Variants in CD46 observed in about 807,000 individuals in gnomAD.
The protein encoded by CD46 is CD46 molecule.
Under a neutral mutation model 53.3 loss-of-function variants are expected in CD46, and 30 were observed. The ratio of observed to expected loss-of-function variants is 0.56; its 90% CI spans 0.42 to 0.76. The LOEUF (loss-of-function observed/expected upper bound fraction) is 0.76, where lower values mean the gene tolerates loss of function less well. Ranked by LOEUF, CD46 falls within the 30% of genes least tolerant of loss-of-function variation. The pLI, the probability that CD46 is intolerant of heterozygous loss-of-function variation, is 0.00. For synonymous variants in CD46, 142 were observed against 152.0 expected, an observed-to-expected ratio of 0.93 and a Z score of 0.48; for missense variants, 409 against 463.0, an observed-to-expected ratio of 0.88 and a Z score of 1.07.
chr1:207,778,647 G>A (rs1658380424), intron 8 of CD46, among the ~76,000 whole-genome samples: 1 of 152,122 alleles, frequency 6.6e-6, no homozygotes, highest in Non-Finnish European at 1.5e-5. Context: ...TGGTGTATAT[G>A]CCTGTTTTTG....
Position 207,774,326 on chromosome 1 carries a change from C to T in CD46, c.943+3964C>T, listed in dbSNP as rs149111551. On this transcript the variant is annotated intron_variant, in intron 8 of 12. Transcript: ENST00000367042. ...AATATAGCACACCGATGGGTCTTGA[C>T]TCTTTATCCAATTTGCCAGTCTGTG... 1.5e-3 allele frequency among the ~76,000 whole-genome samples: 234 copies of T among 152,202 alleles called. 1 individual carries two copies. Among genetic ancestry groups the T allele is most frequent in the African/African-American group, 5.1e-3 (211 of 41,534 alleles).
At chr1:207,780,681 C>T (rs555483956) in intron 8 of CD46, among the ~76,000 whole-genome samples, 2 of 152,236 alleles carry the variant, frequency 1.3e-5, no homozygotes, top group African/African-American at 4.8e-5. Context: ...CAGTGGGAAC[C>T]TTTAACAAAG....
intron 11 of CD46, among the ~76,000 whole-genome samples, chr1:207,788,833 T>G (rs75165547): frequency 0.042 from 6,468 of 152,354 alleles, 187 homozygotes; most frequent in Non-Finnish European, 0.067. Flanking sequence ...AGGAGTCATT[T>G]TAAGATCATC....
chr1:207,785,221 G>T, intron 10 of CD46, 115 bp downstream of exon 10: 1 of 815,672 alleles, frequency 1.2e-6, no homozygotes, highest in Non-Finnish European at 2.0e-6. Context: ...TGGTTAAACC[G>T]ATTTAGGAAA....
At chr1:207,772,081 G>A (rs181772224) in intron 8 of CD46, among the ~76,000 whole-genome samples, 7 of 152,222 alleles carry the variant, frequency 4.6e-5, no homozygotes, top group African/African-American at 1.4e-4. Flanking sequence ...GTTGAGCAGT[G>A]GTTTGTAGTT....
In CD46 at chr1:207,767,805, C is replaced by G. The variant is rs1447856236; in HGVS notation, c.883C>G (p.Pro295Ala). ...KVSTSSTTKS[P>A]ASSASGPRPT... ...GTCGACTTCTTCCACTACAAAATCT[C>G]CAGCGTCCAGTGCCTCAGGTTTAGT... is the stretch of plus-strand genomic sequence containing the variant. The change falls in exon 7 of 13, where the codon CCA (proline) becomes GCA (alanine). Residue 295 changes from proline (P) to alanine (A), a missense_variant. Transcript: ENST00000367042. 3.1e-6 allele frequency: 5 copies of G among 1,611,968 alleles called. No individual in the cohort carries two copies. Among genetic ancestry groups the G allele is most frequent in the Non-Finnish European group, 3.4e-6 (4 of 1,178,270 alleles).
At chr1:207,785,867 A>C in intron 11 of CD46, 185 bp downstream of exon 11, 1 of 554,292 alleles carries the variant, frequency 1.8e-6, no homozygotes, top group Non-Finnish European at 3.2e-6. Context: ...TTCTAACATC[A>C]CTGCAACATA....
At position 207,761,370 on chromosome 1, in the gene CD46, A is replaced by G; in HGVS notation, c.597A>G (p.Pro199=). 1.2e-6 allele frequency: 2 copies of G among 1,614,050 alleles called. No homozygotes were observed. Among genetic ancestry groups the G allele is most frequent in the Non-Finnish European group, 1.7e-6 (2 of 1,179,896 alleles). The part of the protein sequence containing the change: ...YSCDPAPGPD[P]FSLIGESTIY... ...GTGATCCTGCACCTGGACCAGATCCATTTTCACTTATTGGAGAGAGCACGA... is the reference window on the plus strand; with the variant it reads ...GTGATCCTGCACCTGGACCAGATCCGTTTTCACTTATTGGAGAGAGCACGA... Residue 199 remains proline (P), a synonymous_variant, in exon 5 of 13, where the codon CCA becomes CCG. Transcript: ENST00000367042.
chr1:207,783,595 A>C (rs1658994178), intron 9 of CD46: 1 of 290,214 alleles, frequency 3.4e-6, no homozygotes, highest in Admixed American at 4.8e-5. Flanking sequence ...AGTTGGGTTT[A>C]TTTTTTCTGT....
At chr1:207,776,764 A>T (rs1317759773) in intron 8 of CD46, among the ~76,000 whole-genome samples, 1 of 151,704 alleles carries the variant, frequency 6.6e-6, no homozygotes, top group East Asian at 1.9e-4. Flanking sequence ...AGGTAGCTGG[A>T]ACTACAGGCA....
chr1:207,765,095 C>T (rs1656695684), intron 5 of CD46, among the ~76,000 whole-genome samples: 1 of 152,122 alleles, frequency 6.6e-6, no homozygotes, highest in Non-Finnish European at 1.5e-5. Context: ...AAAAGTAAAT[C>T]ATGACCAAGT....
intron 8 of CD46, among the ~76,000 whole-genome samples, chr1:207,779,357 C>G (rs968551703): frequency 2.0e-5 from 3 of 152,068 alleles, no homozygotes; most frequent in African/African-American, 7.2e-5. Context: ...GGTGTTTTCT[C>G]TTTTCTTAAA....
At chr1:207,759,506 A>C (rs186058775) in intron 3 of CD46, 133 bp from the exon 4 acceptor site, 1 of 627,738 alleles carries the variant, frequency 1.6e-6, no homozygotes, top group East Asian at 2.8e-5. Flanking sequence ...TTCGTTATAT[A>C]GTATGTTGTT....
intron 8 of CD46, among the ~76,000 whole-genome samples, chr1:207,771,750 A>C (rs1325484701): frequency 6.6e-6 from 1 of 152,048 alleles, no homozygotes; most frequent in Non-Finnish European, 1.5e-5. Context: ...TGTTCCATTG[A>C]TCTATATATC....
rs536138476 is a variant in CD46, at chr1:207,791,354, A to G, written c.*41+1009A>G. ...ACAGCAATAACTAATAACTAATAAT[A>G]TCAATTATAAAAATATGCCAGCATC... On this transcript the variant is annotated intron_variant, in intron 12 of 12. Coordinates refer to ENST00000367042, the MANE Select transcript of CD46 (RefSeq NM_172351.3). Among the ~76,000 whole-genome samples, 20 of 152,344 alleles carry G rather than the reference A, an allele frequency of 1.3e-4. No homozygotes were observed. In the South Asian group the frequency reaches 3.7e-3, roughly 28 times the overall value.
chr1:207,767,692 T>C, intron 6 of CD46, 87 bp from the exon 7 acceptor site: 2 of 1,594,450 alleles, frequency 1.3e-6, no homozygotes, highest in Non-Finnish European at 1.7e-6. Context: ...TCCTTATATG[T>C]TACAAGATAT....
At chr1:207,755,061 G>A (rs1480500786) in intron 1 of CD46, among the ~76,000 whole-genome samples, 1 of 151,748 alleles carries the variant, frequency 6.6e-6, no homozygotes, top group East Asian at 1.9e-4. Flanking sequence ...GGTCAAGGCT[G>A]CAGTGAGCCC....
chr1:207,769,268 CCTT>C (rs1558059677), intron 7 of CD46: 1 of 152,198 alleles, frequency 6.6e-6, no homozygotes, highest in Admixed American at 6.6e-5. Context: ...AAAACAAAAA[CCTT>C]CTTATAATTC....
intron 8 of CD46, among the ~76,000 whole-genome samples, chr1:207,781,954 A>G (rs1017239693): frequency 6.6e-6 from 1 of 152,090 alleles, no homozygotes; most frequent in African/African-American, 2.4e-5. Context: ...AAAAAAAACC[A>G]AAAAATACCA....
Sources: allele counts gnomAD v4.1 joint callset (sites outside exome capture counted in the v4.1 genomes callset), GRCh38; gene constraint gnomAD v4.1.1; transcripts MANE v1.5; gene names NCBI Gene and HGNC (gene_info 2026-07-23, HGNC 2026-07-21).